The following MGAM2 variants were observed in gnomAD, a reference collection of about 807,000 sequenced individuals.
The protein encoded by MGAM2 is maltase-glucoamylase 2 (putative), also known as probable maltase-glucoamylase 2.
In MGAM2, 98 loss-of-function variants were observed where a neutral mutation model predicts 96.1. That is an observed-to-expected ratio of 1.02 (90% CI 0.87 to 1.21). MGAM2 has a LOEUF of 1.21. MGAM2 is among the 50% of genes most tolerant of loss of function. The pLI is 0.00. For missense variants in MGAM2, 2,055 were observed against 1,182.4 expected, an observed-to-expected ratio of 1.74 and a Z score of -10.82; for synonymous variants, 749 against 414.8, an observed-to-expected ratio of 1.81 and a Z score of -9.79.
chr7:142,159,145 T>C (rs1795818939), intron 19 of MGAM2, 142 bp from the exon 20 acceptor site: 1 of 594,822 alleles, frequency 1.7e-6, no homozygotes, highest in Non-Finnish European at 3.0e-6. Flanking sequence ...CCTTTATGTG[T>C]CTGTGTTTTC....
rs1797077532 is a variant in MGAM2, at chr7:142,197,382, GCTT to G, written c.4633-14_4633-12del. ...ATGAAGAAGAGGTGATCCATTATAT[GCTT>G]CTTTATCCTTACAGAGACAAGATCC... On this transcript the variant is annotated splice_polypyrimidine_tract_variant and intron_variant, in intron 40 of 47. Coordinates refer to ENST00000477922, the MANE Select transcript of MGAM2 (RefSeq NM_001293626.2). 1 of 702,166 alleles carries G rather than the reference GCTT, an allele frequency of 1.4e-6. No homozygotes were observed. The highest frequency in any genetic ancestry group is 2.6e-6 in the Non-Finnish European group (1 of 384,678). 43.5% of individuals were successfully genotyped at this position (702,166 alleles called of 1,614,324 possible). A position where few individuals can be genotyped will look rare whatever the true frequency, so the allele number is the denominator to read the frequency against.
At chr7:142,207,705 A>G (rs1199939780) in intron 45 of MGAM2, among the ~76,000 whole-genome samples, 1 of 152,154 alleles carries the variant, frequency 6.6e-6, no homozygotes, top group African/African-American at 2.4e-5. Flanking sequence ...CTGGGATTAC[A>G]GTCGTGAGCC....
At position 142,222,045 on chromosome 7, in the gene MGAM2, A is replaced by G; in HGVS notation, c.7534A>G (p.Thr2512Ala). 5.0e-6 allele frequency: 2 copies of G among 398,314 alleles called. No individual in the cohort carries two copies. Among genetic ancestry groups the G allele is most frequent in the Non-Finnish European group, 8.9e-6 (2 of 225,834 alleles). 24.7% of individuals were successfully genotyped at this position (398,314 alleles called of 1,614,324 possible). ...TTATATTGCAAATGCCATAAATGCT[A>G]CTCAAGTTCCATGATTACTACTCAA... ...PTYIANAINA[T>A]QVP Residue 2512 changes from threonine (T) to alanine (A), a missense_variant, in exon 48 of 48, where the codon ACT (threonine) becomes GCT (alanine). By Grantham distance (58) the Thr-to-Ala change is moderately conservative. Coordinates refer to ENST00000477922, the MANE Select transcript of MGAM2 (RefSeq NM_001293626.2).
chr7:142,181,108 C>T (rs560268627), intron 32 of MGAM2, among the ~76,000 whole-genome samples: 1 of 152,316 alleles, frequency 6.6e-6, no homozygotes, highest in Non-Finnish European at 1.5e-5. Flanking sequence ...TCAGAAGATA[C>T]TCTGACTTTT....
At chr7:142,115,737 C>G (rs1237897639) in intron 1 of MGAM2, among the ~76,000 whole-genome samples, 1 of 151,974 alleles carries the variant, frequency 6.6e-6, no homozygotes, top group Non-Finnish European at 1.5e-5. Flanking sequence ...CCCAGCTACT[C>G]GGGAGGCTGA....
At chr7:142,189,529 G>A in intron 37 of MGAM2, 24 bp downstream of exon 37, 1 of 703,266 alleles carries the variant, frequency 1.4e-6, no homozygotes. Context: ...TGTCACAGCA[G>A]CAAAGATAAT....
At chr7:142,123,491 A>G (rs1794645260) in intron 3 of MGAM2, among the ~76,000 whole-genome samples, 1 of 152,156 alleles carries the variant, frequency 6.6e-6, no homozygotes, top group Non-Finnish European at 1.5e-5. Context: ...TCCTTTTTCA[A>G]TTTAACCATT....
intron 24 of MGAM2, among the ~76,000 whole-genome samples, chr7:142,165,514 T>G (rs1005936575): frequency 1.6e-4 from 24 of 152,250 alleles, no homozygotes; most frequent in Non-Finnish European, 1.9e-4. Context: ...TTTCAAGTTC[T>G]GGGAAATTTG....
At chr7:142,116,485 C>A (rs540159799) in intron 1 of MGAM2, among the ~76,000 whole-genome samples, 9 of 152,336 alleles carry the variant, frequency 5.9e-5, no homozygotes, top group Non-Finnish European at 1.0e-4. Flanking sequence ...CCTGAGCATA[C>A]CTTCCTGTCT....
At chr7:142,205,144 G>C (rs1298074955) in intron 45 of MGAM2, among the ~76,000 whole-genome samples, 2 of 152,020 alleles carry the variant, frequency 1.3e-5, no homozygotes, top group Non-Finnish European at 2.9e-5. Flanking sequence ...CTTGCCAATG[G>C]GACTGCAGAC....
At chr7:142,205,772 C>A (rs2129103350) in intron 45 of MGAM2, among the ~76,000 whole-genome samples, 1 of 152,178 alleles carries the variant, frequency 6.6e-6, no homozygotes, top group South Asian at 2.1e-4. Context: ...TTTTGAGGCA[C>A]AAACTTTTAA....
chr7:142,152,711 G>C (rs1484982530), intron 15 of MGAM2, among the ~76,000 whole-genome samples: 1 of 152,186 alleles, frequency 6.6e-6, no homozygotes, highest in African/African-American at 2.4e-5. Flanking sequence ...TGCCTGCGAA[G>C]AGCTGGCAGA....
intron 3 of MGAM2, among the ~76,000 whole-genome samples, chr7:142,126,241 C>G (rs935732635): frequency 1.3e-5 from 2 of 151,858 alleles, no homozygotes; most frequent in African/African-American, 4.8e-5. Context: ...TGTATTAATT[C>G]TTTTAATATA....
At position 142,208,557 on chromosome 7, in the gene MGAM2, T is replaced by G; in HGVS notation, c.5138-16T>G. 1 of 702,482 alleles carries G rather than the reference T, an allele frequency of 1.4e-6. No homozygotes were observed. The highest frequency in any genetic ancestry group is 1.5e-5 in the South Asian group (1 of 67,466). The allele number at this position is 702,482 out of a possible 1,614,324, so 43.5% of individuals were successfully genotyped here. On this transcript the variant is annotated splice_polypyrimidine_tract_variant and intron_variant, in intron 45 of 47. Coordinates refer to ENST00000477922, the MANE Select transcript of MGAM2 (RefSeq NM_001293626.2). ...CAGTTAGTAGTTGCTTATTCTTTTC[T>G]TTTCCTTGTTTGCAGATACCTATGA...
At chr7:142,128,803 A>G (rs893647038) in intron 3 of MGAM2, among the ~76,000 whole-genome samples, 12 of 152,322 alleles carry the variant, frequency 7.9e-5, no homozygotes, top group Admixed American at 3.3e-4. Context: ...GCATAGGTGG[A>G]GTCCTTATGG....
chr7:142,123,971 T>TA (rs1175929118), intron 3 of MGAM2, among the ~76,000 whole-genome samples: 1 of 123,962 alleles, frequency 8.1e-6, no homozygotes, highest in South Asian at 2.8e-4. Context: ...AACTTTTTTT[T>TA]TTTTTTTTTT....
In MGAM2 at chr7:142,131,272, T is replaced by C. The variant is rs562143005; in HGVS notation, c.310+201T>C. ...GACCAATGTGGTGAAACCCCGTCTC[T>C]ACTAAAAATACAAAAATTAGCTGGG... On this transcript the variant is annotated intron_variant, in intron 4 of 47. Coordinates refer to ENST00000477922, the MANE Select transcript of MGAM2 (RefSeq NM_001293626.2). Among the ~76,000 whole-genome samples the C allele has an allele frequency of 8.5e-5, 13 of 152,234 alleles. No individual in the cohort carries two copies. The South Asian group carries it at 2.5e-3, about 29-fold the overall frequency.
chr7:142,221,719 C>T lies in MGAM2; in HGVS notation c.7208C>T (p.Thr2403Ile), dbSNP rs558349677. ...ATTTTLALSHTSLAPTNLSNL... is the reference protein window; with the variant it reads ...ATTTTLALSHISLAPTNLSNL... ...ACTACAACACTGGCCTTAAGCCACA[C>T]CTCATTAGCTCCTACAAATCTTTCT... is the stretch of plus-strand genomic sequence containing the variant. Residue 2403 changes from threonine to isoleucine, a missense_variant, in exon 48 of 48, where the codon ACC becomes ATC. By Grantham distance (89) the Thr-to-Ile change is moderately conservative. Coordinates refer to ENST00000477922, the MANE Select transcript of MGAM2 (RefSeq NM_001293626.2). 2.4e-6 allele frequency: 1 copy of T among 413,690 alleles called. No homozygotes were observed. The highest frequency in any genetic ancestry group is 4.3e-6 in the Non-Finnish European group (1 of 234,112). The allele number at this position is 413,690 out of a possible 1,614,324, so 25.6% of individuals were successfully genotyped here. A position where few individuals can be genotyped will look rare whatever the true frequency, so the allele number is the denominator to read the frequency against.
chr7:142,167,765 G>A (rs553306684), intron 26 of MGAM2, among the ~76,000 whole-genome samples: 22 of 151,996 alleles, frequency 1.4e-4, no homozygotes, highest in Non-Finnish European at 2.9e-4. Flanking sequence ...TAGAGACGGG[G>A]TTTTGCCTTG....
Sources: allele counts gnomAD v4.1 joint callset (sites outside exome capture counted in the v4.1 genomes callset), GRCh38; gene constraint gnomAD v4.1.1; transcripts MANE v1.5; gene names NCBI Gene and HGNC (gene_info 2026-07-23, HGNC 2026-07-21).